The following NRXN3 variants were observed in gnomAD, a reference collection of about 807,000 sequenced individuals.
NRXN3 encodes the protein neurexin III.
In NRXN3, 32 loss-of-function variants were observed where a neutral mutation model predicts 137.6. The observed-to-expected ratio is 0.23, with a 90% confidence interval of 0.18 to 0.31. The LOEUF (loss-of-function observed/expected upper bound fraction) is 0.31, where lower values mean the gene tolerates loss of function less well. NRXN3 is among the 10% of genes least tolerant of loss of function. NRXN3 has a pLI of 1.00. For synonymous variants in NRXN3, 798 were observed against 784.5 expected (o/e 1.02, Z -0.29); for missense variants, 1,574 against 2,062.5 (o/e 0.76, Z 4.59).
At chr14:79,159,803 C>T (rs1006245378) in intron 15 of NRXN3, among the ~76,000 whole-genome samples, 1 of 151,866 alleles carries the variant, frequency 6.6e-6, no homozygotes, top group African/African-American at 2.4e-5. Flanking sequence ...CTTACTCCCT[C>T]AAACTAGATC....
chr14:79,740,968 C>G (rs1164467154), intron 19 of NRXN3, among the ~76,000 whole-genome samples: 1 of 151,434 alleles, frequency 6.6e-6, no homozygotes, highest in African/African-American at 2.4e-5. Context: ...TAATTTAACT[C>G]CATTTTGAAA....
In NRXN3 at chr14:79,620,120, A is replaced by G. The variant is rs17109612; in HGVS notation, c.3445-43658A>G. Among the ~76,000 whole-genome samples the G allele has an allele frequency of 0.021, 3,144 of 152,204 alleles. 173 individuals are homozygous for G. In the East Asian group the frequency reaches 0.22, roughly 11 times the overall value. ...AGAATAAATAGAAGGGGATAAACCA[A>G]GAAGAAATGTGGATATATATGGGGC... is the stretch of plus-strand genomic sequence containing the variant. On this transcript the variant is annotated intron_variant, in intron 16 of 20. Coordinates refer to ENST00000335750, the MANE Select transcript of NRXN3 (RefSeq NM_001330195.2).
chr14:79,642,537 C>G (rs2098437880), intron 16 of NRXN3, among the ~76,000 whole-genome samples: 1 of 134,822 alleles, frequency 7.4e-6, no homozygotes, highest in Admixed American at 7.9e-5. Flanking sequence ...AACAATATCT[C>G]TCTTTTTTTT....
intron 3 of NRXN3, among the ~76,000 whole-genome samples, chr14:78,294,258 A>G (rs1252869119): frequency 6.6e-6 from 1 of 152,200 alleles, no homozygotes; most frequent in Non-Finnish European, 1.5e-5. Flanking sequence ...AACAACTGTT[A>G]TAAAGCTCGT....
chr14:79,529,404 GGCCTGGCGCCGGGCT>G (rs1290629190), intron 16 of NRXN3, among the ~76,000 whole-genome samples: 1 of 152,192 alleles, frequency 6.6e-6, no homozygotes, highest in Non-Finnish European at 1.5e-5. Context: ...CCTGGTTTCG[GGCCTGGCGCCGGGCT>G]GCCTGTCTTT....
At chr14:79,549,831 G>A (rs908866487) in intron 16 of NRXN3, among the ~76,000 whole-genome samples, 16 of 152,198 alleles carry the variant, frequency 1.1e-4, no homozygotes, top group Middle Eastern at 3.4e-3. Flanking sequence ...TCTGTCTACC[G>A]AGGGGCTCTG....
intron 4 of NRXN3, among the ~76,000 whole-genome samples, chr14:78,509,094 G>A (rs1246549531): frequency 1.3e-5 from 2 of 152,138 alleles, no homozygotes; most frequent in African/African-American, 4.8e-5. Flanking sequence ...GAGGTCAGAA[G>A]TTTGAGACCA....
intron 1 of NRXN3, among the ~76,000 whole-genome samples, chr14:78,221,390 A>G (rs79296327): frequency 0.014 from 2,070 of 152,220 alleles, 58 homozygotes; most frequent in African/African-American, 0.047. Flanking sequence ...AAAAGGGTAC[A>G]GGTTACTGGA....
chr14:79,418,904 C>T (rs906513117), intron 15 of NRXN3, among the ~76,000 whole-genome samples: 9 of 152,076 alleles, frequency 5.9e-5, no homozygotes, highest in East Asian at 1.9e-4. Context: ...TTCACACTGC[C>T]GTCTGGGAAT....
intron 4 of NRXN3, among the ~76,000 whole-genome samples, chr14:78,387,421 A>T (rs2090133298): frequency 6.6e-6 from 1 of 152,184 alleles, no homozygotes; most frequent in Non-Finnish European, 1.5e-5. Context: ...ACCTTAAATA[A>T]GTGACTTAAC....
At chr14:78,986,329 A>ATTAAGATAT (rs1567904741) in intron 14 of NRXN3, among the ~76,000 whole-genome samples, 1 of 152,194 alleles carries the variant, frequency 6.6e-6, no homozygotes, top group East Asian at 1.9e-4. Flanking sequence ...TATACTGAAT[A>ATTAAGATAT]TTAAGATATT....
chr14:78,810,417 T>C, intron 10 of NRXN3, 73 bp downstream of exon 10: 1 of 763,698 alleles, frequency 1.3e-6, no homozygotes, highest in South Asian at 2.1e-5. Context: ...TGTTTACTGT[T>C]TTATGAGCTG....
intron 4 of NRXN3, among the ~76,000 whole-genome samples, chr14:78,522,282 C>T (rs961235488): frequency 6.6e-6 from 1 of 152,248 alleles, no homozygotes; most frequent in South Asian, 2.1e-4. Flanking sequence ...ATCAAAGACA[C>T]TAAGTAGCTT....
At chr14:79,214,093 A>C (rs958990176) in intron 15 of NRXN3, among the ~76,000 whole-genome samples, 1 of 152,138 alleles carries the variant, frequency 6.6e-6, no homozygotes, top group African/African-American at 2.4e-5. Context: ...CATAATATCT[A>C]TTTTTCAGGA....
At chr14:79,762,324 C>T (rs973753932) in intron 19 of NRXN3, among the ~76,000 whole-genome samples, 33 of 151,652 alleles carry the variant, frequency 2.2e-4, no homozygotes, top group Admixed American at 2.1e-3. Flanking sequence ...TTATGAAATG[C>T]TGCACTCGCA....
At chr14:79,095,095 GTATTCATAATTTCTGACTGGCATGC>G (rs2050057089) in intron 15 of NRXN3, among the ~76,000 whole-genome samples, 1 of 151,826 alleles carries the variant, frequency 6.6e-6, no homozygotes, top group Non-Finnish European at 1.5e-5. Flanking sequence ...GAGATTAGGA[GTATTCATAATTTCTGACTGGCATGC>G]ATTATGCTAA....
At chr14:79,196,335 T>A (rs8018241) in intron 15 of NRXN3, among the ~76,000 whole-genome samples, 33,016 of 152,142 alleles carry the variant, frequency 0.22, 3,709 homozygotes, top group Non-Finnish European at 0.24. Context: ...GAAGTCTTAG[T>A]GCATGAAACT....
intron 4 of NRXN3, among the ~76,000 whole-genome samples, chr14:78,489,128 C>A (rs1387955392): frequency 6.6e-6 from 1 of 152,134 alleles, no homozygotes; most frequent in Non-Finnish European, 1.5e-5. Context: ...AACCATCCAA[C>A]ATTAATGAGC....
At chr14:78,343,406 T>A (rs2082355837) in intron 4 of NRXN3, among the ~76,000 whole-genome samples, 1 of 152,234 alleles carries the variant, frequency 6.6e-6, no homozygotes, top group African/African-American at 2.4e-5. Flanking sequence ...AAATCGCTCA[T>A]GTTCTACCTT....
Sources: gnomAD v4.1 joint callset for allele counts (sites outside exome capture counted in the v4.1 genomes callset) on GRCh38, gnomAD v4.1.1 for gene constraint, MANE v1.5 for transcripts, NCBI Gene and HGNC (gene_info 2026-07-23, HGNC 2026-07-21) for gene names.